The following ADAMTSL1 variants were observed in gnomAD, a reference collection of about 807,000 sequenced individuals.
ADAMTSL1 encodes the protein ADAMTS like 1.
In ADAMTSL1, 126 loss-of-function variants were observed where a neutral mutation model predicts 201.8. The ratio of observed to expected loss-of-function variants is 0.62; its 90% confidence interval spans 0.54 to 0.72. The LOEUF (loss-of-function observed/expected upper bound fraction) is 0.72. Among genes scored for constraint, ADAMTSL1 ranks in the 30% least tolerant of loss-of-function variants. The pLI is 0.00. For missense variants in ADAMTSL1, 2,679 were observed against 2,277.8 expected, an observed-to-expected ratio of 1.18 and a Z score of -3.59; for synonymous variants, 1,121 against 903.4, an observed-to-expected ratio of 1.24 and a Z score of -4.32.
chr9:18,092,708 A>T (rs556570032), intron 1 of ADAMTSL1, among the ~76,000 whole-genome samples: 37 of 152,338 alleles, frequency 2.4e-4, no homozygotes, highest in African/African-American at 8.2e-4. Flanking sequence ...TCTAGTCAGG[A>T]TACTTTGGGC....
chr9:18,857,045 GT>G (rs999685952), intron 23 of ADAMTSL1, among the ~76,000 whole-genome samples: 15 of 151,994 alleles, frequency 9.9e-5, no homozygotes, highest in Middle Eastern at 3.4e-3. Flanking sequence ...GATAGAGCAG[GT>G]TTTTTTTCCT....
At chr9:18,792,676 G>A (rs1194336808) in intron 19 of ADAMTSL1, among the ~76,000 whole-genome samples, 1 of 152,088 alleles carries the variant, frequency 6.6e-6, no homozygotes, top group East Asian at 1.9e-4. Context: ...ATATTCCTGG[G>A]ACATCCTAAA....
Position 18,599,996 on chromosome 9 carries a change from C to CAA in ADAMTSL1, c.475-22223_475-22222dup, listed in dbSNP as rs57914274. 2.3e-3 allele frequency among the ~76,000 whole-genome samples: 204 copies of CAA among 86,942 alleles called. 2 individuals carry two copies. The highest frequency in any genetic ancestry group is 7.2e-3 in the African/African-American group (153 of 21,136). 57.0% of individuals were successfully genotyped at this position (86,942 alleles called of 152,430 possible). ...TGAAACCTCGTCTCTACTAAAAATA[C>CAA]AAAAAAAAAAAAAAAAAAAAAAAAA... On this transcript the variant is annotated intron_variant, in intron 4 of 28. Transcript: ENST00000380548.
chr9:18,303,516 C>A (rs1012347315), intron 2 of ADAMTSL1, among the ~76,000 whole-genome samples: 20 of 152,286 alleles, frequency 1.3e-4, no homozygotes, highest in Admixed American at 1.0e-3. Context: ...CATGAGCGGG[C>A]TTCTTCAGCT....
At chr9:18,245,650 G>T (rs1172867540) in intron 2 of ADAMTSL1, among the ~76,000 whole-genome samples, 1 of 151,894 alleles carries the variant, frequency 6.6e-6, no homozygotes, top group African/African-American at 2.4e-5. Context: ...CCTCCATTGA[G>T]TTCCCAGGAC....
intron 2 of ADAMTSL1, among the ~76,000 whole-genome samples, chr9:18,284,896 T>G (rs1362843851): frequency 6.6e-6 from 1 of 152,210 alleles, no homozygotes; most frequent in African/African-American, 2.4e-5. Flanking sequence ...AATGGCAGTT[T>G]AGTGTTTCAT....
chr9:18,772,925 G>A (rs7027260), intron 17 of ADAMTSL1, among the ~76,000 whole-genome samples: 2,453 of 152,284 alleles, frequency 0.016, 78 homozygotes, highest in African/African-American at 0.056. Context: ...AATGAATGGA[G>A]ATTCCAAACA....
chr9:18,219,579 G>T (rs1453572182), intron 2 of ADAMTSL1, among the ~76,000 whole-genome samples: 1 of 152,020 alleles, frequency 6.6e-6, no homozygotes, highest in Non-Finnish European at 1.5e-5. Flanking sequence ...ACATTGGCCA[G>T]GCTGGTCTCG....
intron 1 of ADAMTSL1, among the ~76,000 whole-genome samples, chr9:18,019,655 G>A (rs750649901): frequency 6.6e-6 from 1 of 152,110 alleles, no homozygotes; most frequent in African/African-American, 2.4e-5. Context: ...GTCTAATAGA[G>A]TTGAAATCAA....
intron 2 of ADAMTSL1, among the ~76,000 whole-genome samples, chr9:18,366,509 T>A (rs918839569): frequency 1.3e-5 from 2 of 152,132 alleles, no homozygotes; most frequent in African/African-American, 2.4e-5. Context: ...ATAAAACCTC[T>A]TTGGAAAGTT....
rs142257476 is a variant in ADAMTSL1, at chr9:18,108,536, C to G, written c.88-55326C>G. Among the ~76,000 whole-genome samples the G allele has an allele frequency of 2.9e-3, 443 of 152,072 alleles. 2 individuals carry two copies. Among genetic ancestry groups the G allele is most frequent in the African/African-American group, 9.9e-3 (412 of 41,468 alleles). ...TCTTAAAGGCTCTTGGAAGCCAGAT[C>G]ACAGAGAAGGTTAAAATACAAAATA... On this transcript the variant is annotated intron_variant, in intron 1 of 29. Coordinates refer to the ADAMTSL1 transcript ENST00000680146.
intron 1 of ADAMTSL1, among the ~76,000 whole-genome samples, chr9:18,489,350 T>G (rs1822153503): frequency 1.3e-5 from 2 of 152,204 alleles, no homozygotes; most frequent in African/African-American, 4.8e-5. Context: ...GTGAATGCAC[T>G]TTGTAAATTG....
At chr9:18,373,748 T>C (rs1837160930) in intron 2 of ADAMTSL1, among the ~76,000 whole-genome samples, 3 of 152,178 alleles carry the variant, frequency 2.0e-5, no homozygotes, top group Admixed American at 1.3e-4. Context: ...TGTCCCATTC[T>C]AGAGTGCCAA....
At chr9:18,602,320 T>G (rs1824716030) in intron 4 of ADAMTSL1, among the ~76,000 whole-genome samples, 1 of 152,230 alleles carries the variant, frequency 6.6e-6, no homozygotes, top group Non-Finnish European at 1.5e-5. Context: ...AAACGAAACT[T>G]CTGCTGCAAA....
chr9:18,829,817 C>A (rs752459573), intron 22 of ADAMTSL1, 26 bp from the exon 23 acceptor site: 10 of 1,613,428 alleles, frequency 6.2e-6, no homozygotes, highest in Non-Finnish European at 8.5e-6. Context: ...TTTAACCTGC[C>A]TGATCCACCC....
At chr9:18,022,929 C>T (rs1820538503) in intron 1 of ADAMTSL1, among the ~76,000 whole-genome samples, 1 of 152,084 alleles carries the variant, frequency 6.6e-6, no homozygotes, top group South Asian at 2.1e-4. Flanking sequence ...GCTCACTGGC[C>T]TCCCATCCTT....
In ADAMTSL1 at chr9:18,832,823, C is replaced by T. The variant is rs139773112; in HGVS notation, c.4249+2846C>T. Among the ~76,000 whole-genome samples the T allele has an allele frequency of 2.5e-3, 384 of 152,280 alleles. 1 individual carries two copies. The highest frequency in any genetic ancestry group is 8.7e-3 in the African/African-American group (363 of 41,556). ...AGCCACTGTATGTTTCCTCTATGTA[C>T]GAGGTCAGCTGGCTGTAACAGCCTT... On this transcript the variant is annotated intron_variant, in intron 23 of 28. Coordinates refer to ENST00000380548, the MANE Select transcript of ADAMTSL1 (RefSeq NM_001040272.6).
intron 1 of ADAMTSL1, among the ~76,000 whole-genome samples, chr9:17,952,772 C>T (rs1026189348): frequency 6.6e-6 from 1 of 152,152 alleles, no homozygotes; most frequent in Non-Finnish European, 1.5e-5. Flanking sequence ...AGCCATCCAT[C>T]TGACTTGGCC....
intron 2 of ADAMTSL1, among the ~76,000 whole-genome samples, chr9:18,261,128 G>C (rs1166003761): frequency 6.6e-6 from 1 of 151,520 alleles, no homozygotes; most frequent in African/African-American, 2.4e-5. Flanking sequence ...GACTAGAACG[G>C]AAAGTGATAG....
Sources: allele counts gnomAD v4.1 joint callset (sites outside exome capture counted in the v4.1 genomes callset), GRCh38; gene constraint gnomAD v4.1.1; transcripts MANE v1.5; gene names NCBI Gene and HGNC (gene_info 2026-07-23, HGNC 2026-07-21).